BAIAP2: variants seen among roughly 807,000 people sequenced by gnomAD.
BAIAP2 encodes BAR/IMD domain containing adaptor protein 2, also known as BAR/IMD domain-containing adapter protein 2.
Under a neutral mutation model 63.0 loss-of-function variants are expected in BAIAP2, and 18 were observed. That is an observed-to-expected ratio of 0.29 (90% CI 0.20 to 0.42). The LOEUF (loss-of-function observed/expected upper bound fraction) is 0.42. BAIAP2 is among the 10% of genes least tolerant of loss of function. The pLI, the probability that BAIAP2 is intolerant of heterozygous loss-of-function variation, is 1.00. For missense variants in BAIAP2, 610 were observed against 734.3 expected, an observed-to-expected ratio of 0.83 and a Z score of 1.96; for synonymous variants, 386 against 307.6, an observed-to-expected ratio of 1.25 and a Z score of -2.67.
In BAIAP2 at chr17:81,046,476, C is replaced by T. The variant is rs911645107; in HGVS notation, c.55-7192C>T. ...CCACTCCAGCCAGGCTTCCTTCACA[C>T]CCCCACAGCCCCCACTCCTCTTGCC... On this transcript the variant is annotated intron_variant, in intron 1 of 13. Coordinates refer to ENST00000428708, the MANE Select transcript of BAIAP2 (RefSeq NM_001144888.2). This position sits in a 1 kb window ranked among gnomAD's most constrained non-coding sequence, Gnocchi z 4.5. 6.6e-6 allele frequency among the ~76,000 whole-genome samples: 1 copy of T among 152,128 alleles called. No homozygotes were observed. Among genetic ancestry groups the T allele is most frequent in the Admixed American group, 6.5e-5 (1 of 15,282 alleles).
chr17:81,084,714 G>A (rs1007037713), intron 3 of BAIAP2, 118 bp from the exon 4 acceptor site: 3 of 922,706 alleles, frequency 3.3e-6, no homozygotes, highest in African/African-American at 1.6e-5. Flanking sequence ...ACACCCCGGG[G>A]GCCCTGCTGC....
At chr17:81,099,125 C>G (rs959091415) in intron 6 of BAIAP2, among the ~76,000 whole-genome samples, 1 of 48,662 alleles carries the variant, frequency 2.1e-5, no homozygotes, top group African/African-American at 8.6e-5. Flanking sequence ...TTCCGAAAGG[C>G]GTGACCTGTG....
At chr17:81,111,448 G>T (rs1364718102) in intron 13 of BAIAP2, among the ~76,000 whole-genome samples, 1 of 152,222 alleles carries the variant, frequency 6.6e-6, no homozygotes, top group African/African-American at 2.4e-5. Flanking sequence ...CTGGAGCCAG[G>T]TGTTGGGCCC....
chr17:81,092,360 C>T (rs1435711765), intron 6 of BAIAP2, among the ~76,000 whole-genome samples: 3 of 152,214 alleles, frequency 2.0e-5, no homozygotes, highest in Non-Finnish European at 2.9e-5. Flanking sequence ...AGCGGCCAGG[C>T]CTTCAGCCTG....
chr17:81,055,569 G>GGT lies in BAIAP2; in HGVS notation c.130+1826_130+1827insGT, dbSNP rs138656369. 1.8e-4 allele frequency among the ~76,000 whole-genome samples: 17 copies of GGT among 94,162 alleles called. 1 individual carries two copies. Among genetic ancestry groups the GGT allele is most frequent in the South Asian group, 4.2e-4 (1 of 2,400 alleles). The allele number at this position is 94,162 out of a possible 152,430, so 61.8% of individuals were successfully genotyped here. On this transcript the variant is annotated intron_variant, in intron 2 of 13. Coordinates refer to ENST00000428708, the MANE Select transcript of BAIAP2 (RefSeq NM_001144888.2). ...TTCCTCCAGCGAAAGTCTGCAGGGT[G>GGT]TTTTGTTTTTTTTTGAGACGGAGTC...
At position 81,117,264 on chromosome 17, in the gene BAIAP2, T is replaced by G. The variant is rs1444360899; in HGVS notation, c.*1425T>G. 1.3e-5 allele frequency: 2 copies of G among 152,204 alleles called. No homozygotes were observed. The highest frequency in any genetic ancestry group is 4.8e-5 in the African/African-American group (2 of 41,440). The allele number at this position is 152,204 out of a possible 1,614,324, so 9.4% of individuals were successfully genotyped here. ...GCCCCTCCTGTCCAGGACTTTATCA[T>G]CGGCAGACCTCAGAAGACAACACAC... On this transcript the variant is annotated 3_prime_UTR_variant, in exon 14 of 14. Transcript: ENST00000428708.
intron 3 of BAIAP2, among the ~76,000 whole-genome samples, chr17:81,066,755 C>T (rs2051539247): frequency 6.6e-6 from 1 of 152,232 alleles, no homozygotes; most frequent in African/African-American, 2.4e-5. Context: ...CTCCTGCTCT[C>T]TGTGAGGCCA....
chr17:81,095,518 C>T (rs1475639157), intron 6 of BAIAP2, among the ~76,000 whole-genome samples: 2 of 152,190 alleles, frequency 1.3e-5, no homozygotes, highest in Non-Finnish European at 2.9e-5. Flanking sequence ...CCTGGAACAG[C>T]AGGTGAGGAG....
chr17:81,084,823 G>A lies in BAIAP2; in HGVS notation c.218-9G>A, dbSNP rs780076647. 9.9e-6 allele frequency: 16 copies of A among 1,613,410 alleles called. 1 individual carries two copies. The Middle Eastern group carries it at 1.8e-3, about 183-fold the overall frequency. On this transcript the variant is annotated splice_polypyrimidine_tract_variant and intron_variant, in intron 3 of 13. Coordinates refer to ENST00000428708, the MANE Select transcript of BAIAP2 (RefSeq NM_001144888.2). ...TCCCTCCCCTTCCTTCTGCTGTTCT[G>A]CTTCCCAGGAGACGTTCTCTTCCAG...
chr17:81,036,845 A>G (rs2046343274), intron 1 of BAIAP2: 5 of 1,529,994 alleles, frequency 3.3e-6, no homozygotes, highest in South Asian at 2.4e-5. Flanking sequence ...CTCCATTACG[A>G]CTTGTTTGTG....
chr17:81,044,325 G>A lies in BAIAP2; in HGVS notation c.54+9017G>A, dbSNP rs559671438. 1.3e-3 allele frequency among the ~76,000 whole-genome samples: 192 copies of A among 152,344 alleles called. 1 individual carries two copies. The highest frequency in any genetic ancestry group is 4.5e-3 in the African/African-American group (186 of 41,590). On this transcript the variant is annotated intron_variant, in intron 1 of 13. Coordinates refer to ENST00000428708, the MANE Select transcript of BAIAP2 (RefSeq NM_001144888.2). ...GACCAGACTTGGGTCTGCGATTGGC[G>A]GTAATGAGTGACCTAGTGACCGGGC... is the stretch of plus-strand genomic sequence containing the variant.
intron 1 of BAIAP2, among the ~76,000 whole-genome samples, chr17:81,035,679 T>G (rs2046135467): frequency 6.6e-6 from 1 of 151,432 alleles, no homozygotes; most frequent in Non-Finnish European, 1.5e-5. Context: ...CTCGGACCGG[T>G]CGGGGTCGTA....
intron 12 of BAIAP2, chr17:81,107,599 T>C (rs2059337843): frequency 6.6e-6 from 1 of 152,364 alleles, no homozygotes; most frequent in African/African-American, 2.4e-5. Flanking sequence ...CCTGTCTGTC[T>C]GGGGCTCCTC....
At chr17:81,088,147 G>T (rs1399581999) in intron 6 of BAIAP2, among the ~76,000 whole-genome samples, 1 of 152,096 alleles carries the variant, frequency 6.6e-6, no homozygotes, top group Non-Finnish European at 1.5e-5. Flanking sequence ...CCTGCGGCCT[G>T]GAGGGCCATA....
intron 7 of BAIAP2, among the ~76,000 whole-genome samples, chr17:81,101,926 G>A (rs1036348255): frequency 3.3e-5 from 5 of 152,374 alleles, no homozygotes; most frequent in South Asian, 2.1e-4. Flanking sequence ...AGTGGCGGGC[G>A]TCTGCGCCCT....
chr17:81,054,771 C>T (rs1190349561), intron 2 of BAIAP2, among the ~76,000 whole-genome samples: 1 of 152,190 alleles, frequency 6.6e-6, no homozygotes, highest in East Asian at 1.9e-4. Context: ...TCCCATCGCC[C>T]CCACCCCACC....
chr17:81,046,476 C>A lies in BAIAP2; in HGVS notation c.55-7192C>A, dbSNP rs911645107. Among the ~76,000 whole-genome samples the A allele has an allele frequency of 1.3e-5, 2 of 152,128 alleles. No individual in the cohort carries two copies. The highest frequency in any genetic ancestry group is 1.3e-4 in the Admixed American group (2 of 15,282). On this transcript the variant is annotated intron_variant, in intron 1 of 13. Coordinates refer to ENST00000428708, the MANE Select transcript of BAIAP2 (RefSeq NM_001144888.2). The surrounding 1 kb of genome is among the most constrained non-coding windows in gnomAD (Gnocchi z 4.5). Reference sequence around the variant, plus strand: ...CCACTCCAGCCAGGCTTCCTTCACACCCCCACAGCCCCCACTCCTCTTGCC... The same window carrying A: ...CCACTCCAGCCAGGCTTCCTTCACAACCCCACAGCCCCCACTCCTCTTGCC...
intron 6 of BAIAP2, chr17:81,098,345 C>G: frequency 2.0e-6 from 1 of 511,854 alleles, no homozygotes; most frequent in Non-Finnish European, 3.0e-6. Flanking sequence ...AGTTTCCTCC[C>G]GAGGCTCACG....
chr17:81,045,855 C>T (rs1329289972), intron 1 of BAIAP2, among the ~76,000 whole-genome samples: 8 of 152,154 alleles, frequency 5.3e-5, no homozygotes, highest in African/African-American at 1.4e-4. Context: ...TTGGAGAAGC[C>T]TAGTGGCCCC....
Sources: allele counts gnomAD v4.1 joint callset (sites outside exome capture counted in the v4.1 genomes callset), GRCh38; gene constraint gnomAD v4.1.1; non-coding constraint Gnocchi (gnomAD v3.1); transcripts MANE v1.5; gene names NCBI Gene and HGNC (gene_info 2026-07-23, HGNC 2026-07-21).